KIR2DL4: variants seen among roughly 807,000 people sequenced by gnomAD.
The protein encoded by KIR2DL4 is killer cell immunoglobulin-like receptor 2DL4.
Under a neutral mutation model 31.0 loss-of-function variants are expected in KIR2DL4, and 41 were observed. The observed-to-expected ratio is 1.32, with a 90% CI of 1.03 to 1.72. The LOEUF (loss-of-function observed/expected upper bound fraction) is 1.72, where lower values mean the gene tolerates loss of function less well. Among genes scored for constraint, KIR2DL4 ranks in the 40% most tolerant of loss-of-function variants. The probability of loss-of-function intolerance (pLI) is 0.00; values close to 1 mark genes in which losing one functional copy is unlikely to be tolerated. For missense variants in KIR2DL4, 438 were observed against 353.7 expected, an observed-to-expected ratio of 1.24 and a Z score of -1.91; for synonymous variants, 164 against 133.6, an observed-to-expected ratio of 1.23 and a Z score of -1.57.
At chr19:54,809,948 G>C (rs548246951) in intron 5 of KIR2DL4, among the ~76,000 whole-genome samples, 3 of 149,384 alleles carry the variant, frequency 2.0e-5, no homozygotes, top group Non-Finnish European at 4.4e-5. Context: ...GAATATTTTG[G>C]GGTGGGGCGG....
At chr19:54,806,307 T>C in intron 4 of KIR2DL4, 63 bp downstream of exon 4, 1 of 1,488,788 alleles carries the variant, frequency 6.7e-7, no homozygotes, top group Non-Finnish European at 9.2e-7. Context: ...AGGAGCTTCC[T>C]GCTGATGATG....
chr19:54,809,890 T>C (rs1389334713), intron 5 of KIR2DL4, among the ~76,000 whole-genome samples: 2 of 150,542 alleles, frequency 1.3e-5, no homozygotes, highest in African/African-American at 4.9e-5. Flanking sequence ...CTGCATTCCT[T>C]TTTTCCATGT....
intron 4 of KIR2DL4, 89 bp from the exon 5 acceptor site, chr19:54,808,744 A>G (rs370190236): frequency 4.2e-6 from 4 of 957,326 alleles, no homozygotes; most frequent in African/African-American, 1.8e-5. Flanking sequence ...AGATAATAGA[A>G]TGTTGGCCAT....
chr19:54,812,719 T>G (rs2060935618), intron 5 of KIR2DL4, among the ~76,000 whole-genome samples: 1 of 148,934 alleles, frequency 6.7e-6, no homozygotes. Context: ...GGGGGTGTGA[T>G]GGAGCTTCCA....
In KIR2DL4 at chr19:54,804,901, T is replaced by C. The variant is rs915955531; in HGVS notation, c.185T>C (p.Leu62Pro). 2.5e-6 allele frequency: 4 copies of C among 1,612,174 alleles called. No homozygotes were observed. The African/African-American group carries it at 5.4e-5, about 22-fold the overall frequency. Residue 62 changes from leucine (L) to proline (P), a missense_variant, in exon 3 of 8, where the codon CTG becomes CCG. Physicochemically the swap from Leu to Pro is moderately conservative, Grantham distance 98. Transcript: ENST00000359085. ...CGTCGTGGGTTTAACATCTTCACGC[T>C]GTACAAGAAAGATGGGGTCCCTGTC... is the stretch of plus-strand genomic sequence containing the variant.
chr19:54,810,748 T>G (rs2060818081), intron 5 of KIR2DL4, among the ~76,000 whole-genome samples: 1 of 151,232 alleles, frequency 6.6e-6, no homozygotes, highest in Non-Finnish European at 1.5e-5. Context: ...TCACAGCCAT[T>G]GGACTTACCT....
chr19:54,811,543 C>T (rs2060869493), intron 5 of KIR2DL4, among the ~76,000 whole-genome samples: 2 of 151,038 alleles, frequency 1.3e-5, no homozygotes, highest in African/African-American at 4.9e-5. Flanking sequence ...GCGAAAACAT[C>T]TTCCTTATTT....
At position 54,803,945 on chromosome 19, in the gene KIR2DL4, G is replaced by T; in HGVS notation, c.76+19G>T. The T allele has an allele frequency of 1.2e-6, 2 of 1,606,464 alleles. No homozygotes were observed. The highest frequency in any genetic ancestry group is 2.7e-5 in the African/African-American group (2 of 73,236). On this transcript the variant is annotated intron_variant, in intron 2 of 7. Coordinates refer to ENST00000359085, the Ensembl canonical transcript of KIR2DL4. ...CACGTGGGTGAGTCCTTCCCCAAAT[G>T]ATGGGTTGCCATCTTCACCCCAATA... is the stretch of plus-strand genomic sequence containing the variant.
Position 54,803,629 on chromosome 19 carries a change from G to A in KIR2DL4, c.-23G>A, listed in dbSNP as rs778251595. 55 of 1,612,130 alleles carry A rather than the reference G, an allele frequency of 3.4e-5. 1 individual carries two copies. Among genetic ancestry groups the A allele is most frequent in the Admixed American group, 2.7e-4 (16 of 59,902 alleles). Reference sequence around the variant, plus strand: ...CCGGTCAGTCGAGCCGAGTCACTGCGTCCTGGCAGCAGAAGCTGCACCATG... The same window carrying A: ...CCGGTCAGTCGAGCCGAGTCACTGCATCCTGGCAGCAGAAGCTGCACCATG... On this transcript the variant is annotated 5_prime_UTR_variant, in exon 1 of 8. Coordinates refer to ENST00000359085, the Ensembl canonical transcript of KIR2DL4.
intron 6 of KIR2DL4, chr19:54,813,431 A>C: frequency 1.3e-6 from 1 of 787,792 alleles, no homozygotes. Flanking sequence ...CTGTATCCTC[A>C]CGTCCCCTGC....
intron 3 of KIR2DL4, among the ~76,000 whole-genome samples, 198 bp downstream of exon 3, chr19:54,805,275 T>A (rs1371732816): frequency 4.0e-5 from 6 of 151,272 alleles, no homozygotes; most frequent in Admixed American, 2.6e-4. Context: ...CCTTGGAGCC[T>A]GTGACTATGT....
chr19:54,813,245 A>C lies in KIR2DL4; in HGVS notation c.810+17A>C, dbSNP rs1196501841. 14 of 1,594,342 alleles carry C rather than the reference A, an allele frequency of 8.8e-6. 1 individual carries two copies. The highest frequency in any genetic ancestry group is 1.4e-5 in the African/African-American group (1 of 70,630). On this transcript the variant is annotated intron_variant, in intron 6 of 7. Coordinates refer to ENST00000359085, the Ensembl canonical transcript of KIR2DL4. The stretch of plus-strand genomic sequence containing the variant: ...AAAAAAAAAGTAAGCCTCACGAAGC[A>C]GAGGCCAGAGAACTCAGGGCCCTGT...
intron 2 of KIR2DL4, 140 bp from the exon 3 acceptor site, chr19:54,804,653 G>A (rs2060386687): frequency 2.4e-6 from 2 of 817,508 alleles, no homozygotes; most frequent in Admixed American, 5.0e-5. Flanking sequence ...GTCTATGCGG[G>A]ATGGGTCCTT....
intron 4 of KIR2DL4, among the ~76,000 whole-genome samples, chr19:54,806,663 T>C (rs1015014229): frequency 1.3e-5 from 2 of 151,340 alleles, no homozygotes; most frequent in Admixed American, 6.6e-5. Flanking sequence ...TAAATATACC[T>C]ATATAATTTA....
Position 54,804,879 on chromosome 19 carries a change from C to G in KIR2DL4, c.163C>G (p.Arg55Gly), listed in dbSNP as rs56364601. The G allele has an allele frequency of 4.0e-5, 65 of 1,612,234 alleles. 4 individuals carry two copies. In the African/African-American group the frequency reaches 7.8e-4, roughly 19 times the overall value. Residue 55 changes from arginine (R) to glycine (G), a missense_variant, in exon 3 of 8, where the codon CGT (arginine) becomes GGT (glycine). Physicochemically the swap from Arg to Gly is moderately radical, Grantham distance 125. Transcript: ENST00000359085. ...CGTGACTCTTCGGTGTCACTATCGT[C>G]GTGGGTTTAACATCTTCACGCTGTA...
In KIR2DL4 at chr19:54,805,836, G is replaced by GAGAGAC. The variant is rs1435668741; in HGVS notation, c.362-110_362-109insCAGAGA. 2.5e-5 allele frequency: 23 copies of GAGAGAC among 921,332 alleles called. 3 individuals carry two copies. The highest frequency in any genetic ancestry group is 2.3e-4 in the Admixed American group (9 of 39,988). The allele number at this position is 921,332 out of a possible 1,614,324, so 57.1% of individuals were successfully genotyped here. ...AGGAAGAGTTGGGGGTGGAGGGTGA[G>GAGAGAC]AGAGAGAGAGAGAGCACTAGGCCAT... On this transcript the variant is annotated intron_variant, in intron 3 of 7. Coordinates refer to ENST00000359085, the Ensembl canonical transcript of KIR2DL4.
At chr19:54,813,662 C>G in intron 6 of KIR2DL4, 28 bp from the exon 6 acceptor site, 2 of 1,609,040 alleles carry the variant, frequency 1.2e-6, no homozygotes, top group Non-Finnish European at 1.7e-6. Flanking sequence ...GCCCTCCCAG[C>G]TGTTTTGATT....
chr19:54,806,219 T>A lies in KIR2DL4; in HGVS notation c.630T>A (p.Ser210Arg). ...CTCCCTACGAGTGGTCAGACCCGAG[T>A]GACCCACTGCCTGTTTCTGTCACAG... is the stretch of plus-strand genomic sequence containing the variant. Residue 210 changes from serine (S) to arginine (R), a missense_variant, in exon 4 of 8, where the codon AGT (serine) becomes AGA (arginine). Physicochemically the swap from Ser to Arg is moderately radical, Grantham distance 110 (BLOSUM62 -1). Coordinates refer to ENST00000359085, the Ensembl canonical transcript of KIR2DL4. The A allele has an allele frequency of 1.9e-6, 3 of 1,610,220 alleles. No individual in the cohort carries two copies. The Middle Eastern group carries it at 5.0e-4, about 266-fold the overall frequency.
chr19:54,810,937 G>A (rs1220734689), intron 5 of KIR2DL4, among the ~76,000 whole-genome samples: 1 of 151,340 alleles, frequency 6.6e-6, no homozygotes, highest in African/African-American at 2.4e-5. Flanking sequence ...GTGTTTGTGA[G>A]GTAGAGTAAT....
Sources: allele counts gnomAD v4.1 joint callset (sites outside exome capture counted in the v4.1 genomes callset), GRCh38; gene constraint gnomAD v4.1.1; transcripts MANE v1.5; gene names NCBI Gene and HGNC (gene_info 2026-07-23, HGNC 2026-07-21).